Variants in SUPT3H observed in about 807,000 individuals in gnomAD.
SUPT3H encodes SPT3 homolog, SAGA and STAGA complex component.
In SUPT3H, 44 loss-of-function variants were observed where a neutral mutation model predicts 44.3. The observed-to-expected ratio is 0.99, with a 90% CI of 0.78 to 1.28. The LOEUF is 1.28. SUPT3H is among the 50% of genes most tolerant of loss of function. SUPT3H has a pLI of 0.00. For missense variants in SUPT3H, 380 were observed against 387.1 expected (o/e 0.98, Z 0.15); for synonymous variants, 124 against 125.6 (o/e 0.99, Z 0.09).
intron 10 of SUPT3H, among the ~76,000 whole-genome samples, chr6:44,908,183 G>A (rs616730): frequency 1.1e-4 from 16 of 140,100 alleles, no homozygotes; most frequent in African/African-American, 3.4e-4. Flanking sequence ...ATGGAGTCTC[G>A]CTCTGTCACT....
chr6:44,854,706 A>G (rs1424416192), intron 10 of SUPT3H, among the ~76,000 whole-genome samples: 2 of 151,756 alleles, frequency 1.3e-5, no homozygotes, highest in Non-Finnish European at 2.9e-5. Flanking sequence ...CAAACACATT[A>G]AAGTAAAAAT....
chr6:45,290,473 AG>A (rs556339060), intron 2 of SUPT3H, among the ~76,000 whole-genome samples: 3 of 150,746 alleles, frequency 2.0e-5, no homozygotes, highest in African/African-American at 7.3e-5. Context: ...AAAAAAAAAA[AG>A]CAGAGGGTAG....
intron 2 of SUPT3H, among the ~76,000 whole-genome samples, chr6:45,335,458 TTCAA>T (rs929828340): frequency 4.6e-5 from 7 of 151,282 alleles, no homozygotes; most frequent in Admixed American, 6.6e-5. Flanking sequence ...ATGGATTCTC[TTCAA>T]TCAATTACAA....
At chr6:44,927,332 ATTCT>A (rs1254050579) in intron 10 of SUPT3H, among the ~76,000 whole-genome samples, 1 of 152,184 alleles carries the variant, frequency 6.6e-6, no homozygotes, top group Admixed American at 6.5e-5. Flanking sequence ...GTTTTATTCT[ATTCT>A]TTATTTTTCT....
chr6:44,931,324 CATT>C (rs760847119), intron 10 of SUPT3H, among the ~76,000 whole-genome samples: 18 of 152,044 alleles, frequency 1.2e-4, no homozygotes, highest in Non-Finnish European at 1.6e-4. Flanking sequence ...ACCTATTCAT[CATT>C]ATTTGACTGT....
intron 3 of SUPT3H, among the ~76,000 whole-genome samples, chr6:45,100,164 C>T (rs746015829): frequency 1.3e-5 from 2 of 151,960 alleles, no homozygotes; most frequent in African/African-American, 4.8e-5. Flanking sequence ...GAAAACGCTT[C>T]GGACATTGTT....
At chr6:45,050,943 G>A (rs1790196356) in intron 3 of SUPT3H, among the ~76,000 whole-genome samples, 1 of 142,928 alleles carries the variant, frequency 7.0e-6, no homozygotes, top group African/African-American at 2.6e-5. Flanking sequence ...GGAGTGCAGT[G>A]GCATGATCTC....
At chr6:45,351,260 G>A (rs1043948747) in intron 2 of SUPT3H, among the ~76,000 whole-genome samples, 1 of 151,850 alleles carries the variant, frequency 6.6e-6, no homozygotes, top group African/African-American at 2.4e-5. Flanking sequence ...CATCACTTCA[G>A]CCACTCCCAC....
chr6:45,266,106 A>C (rs748925331), intron 2 of SUPT3H, among the ~76,000 whole-genome samples: 41 of 152,032 alleles, frequency 2.7e-4, no homozygotes, highest in Non-Finnish European at 4.7e-4. Context: ...AATTGACCTC[A>C]ATCAGTTGGA....
intron 2 of SUPT3H, among the ~76,000 whole-genome samples, chr6:45,243,056 T>C (rs948565729): frequency 6.6e-6 from 1 of 152,006 alleles, no homozygotes; most frequent in Non-Finnish European, 1.5e-5. Flanking sequence ...TAGCTGGGCA[T>C]GGTGGTGTGC....
chr6:45,075,916 C>T (rs1326991194), intron 3 of SUPT3H, among the ~76,000 whole-genome samples: 1 of 151,926 alleles, frequency 6.6e-6, no homozygotes, highest in African/African-American at 2.4e-5. Flanking sequence ...ATAATAAATG[C>T]CATGTGTCAA....
Position 45,134,333 on chromosome 6 carries a change from C to T in SUPT3H, c.102-28327G>A, listed in dbSNP as rs116778252. Among the ~76,000 whole-genome samples, 387 of 152,320 alleles carry T rather than the reference C, an allele frequency of 2.5e-3. 3 individuals carry two copies. Among genetic ancestry groups the T allele is most frequent in the African/African-American group, 8.8e-3 (364 of 41,584 alleles). On this transcript the variant is annotated intron_variant, in intron 2 of 10. Coordinates refer to ENST00000371459, the MANE Select transcript of SUPT3H (RefSeq NM_003599.4). ...GATCACCTCTTATTAGGCTCAACCT[C>T]GCAATACTGTTGCATTGGGAAAGAA...
At chr6:45,339,595 T>A (rs973679762) in intron 2 of SUPT3H, among the ~76,000 whole-genome samples, 1 of 151,974 alleles carries the variant, frequency 6.6e-6, no homozygotes, top group African/African-American at 2.4e-5. Flanking sequence ...TAACAAGCTA[T>A]ATTAATAAGG....
In SUPT3H at chr6:45,002,230, T is replaced by G. The variant is rs574467567; in HGVS notation, c.504+1423A>C. Reference sequence around the variant, plus strand: ...TTTTCTACCCTGCATCTCCAGATATTTTATTGACTTTAGTACCCTGCTGAC... The same window carrying G: ...TTTTCTACCCTGCATCTCCAGATATGTTATTGACTTTAGTACCCTGCTGAC... On this transcript the variant is annotated intron_variant, in intron 6 of 10. Coordinates refer to ENST00000371459, the MANE Select transcript of SUPT3H (RefSeq NM_003599.4). Among the ~76,000 whole-genome samples, 4 of 152,138 alleles carry G rather than the reference T, an allele frequency of 2.6e-5. No individual in the cohort carries two copies. The South Asian group carries it at 6.2e-4, about 24-fold the overall frequency.
At chr6:45,318,097 A>C (rs778167989) in intron 2 of SUPT3H, among the ~76,000 whole-genome samples, 44 of 152,202 alleles carry the variant, frequency 2.9e-4, no homozygotes, top group Non-Finnish European at 4.6e-4. Context: ...GTCAATTCCA[A>C]CTACATGACA....
At chr6:45,071,785 C>T (rs189589118) in intron 3 of SUPT3H, among the ~76,000 whole-genome samples, 1 of 152,146 alleles carries the variant, frequency 6.6e-6, no homozygotes, top group Non-Finnish European at 1.5e-5. Context: ...TTACTAAAGA[C>T]CTGTTTCAGC....
chr6:45,021,154 C>T (rs1785077809), intron 3 of SUPT3H, among the ~76,000 whole-genome samples: 1 of 151,850 alleles, frequency 6.6e-6, no homozygotes, highest in African/African-American at 2.4e-5. Context: ...GGATTCAGTC[C>T]ATAAATCATA....
chr6:45,252,985 G>C (rs76524658), intron 2 of SUPT3H, among the ~76,000 whole-genome samples: 4 of 151,712 alleles, frequency 2.6e-5, no homozygotes, highest in African/African-American at 4.8e-5. Flanking sequence ...ATTCATAGAG[G>C]GCTATGAGAG....
intron 2 of SUPT3H, among the ~76,000 whole-genome samples, chr6:45,178,548 C>T (rs1406003739): frequency 6.6e-6 from 1 of 151,958 alleles, no homozygotes; most frequent in African/African-American, 2.4e-5. Flanking sequence ...TTGAACTCAG[C>T]TCTGCACCAA....
Sources: allele counts gnomAD v4.1 joint callset (sites outside exome capture counted in the v4.1 genomes callset), GRCh38; gene constraint gnomAD v4.1.1; transcripts MANE v1.5; gene names NCBI Gene and HGNC (gene_info 2026-07-23, HGNC 2026-07-21).